Variants in PDSS2 observed in about 807,000 individuals in gnomAD.
PDSS2 encodes the protein decaprenyl diphosphate synthase subunit 2.
A neutral mutation model predicts 44.5 loss-of-function variants in PDSS2; 31 were observed. The ratio of observed to expected loss-of-function variants is 0.70; its 90% CI spans 0.52 to 0.94. The LOEUF (loss-of-function observed/expected upper bound fraction) is 0.94. PDSS2 is among the 40% of genes least tolerant of loss of function. The pLI is 0.00. For missense variants in PDSS2, 452 were observed against 482.2 expected (o/e 0.94, Z 0.59); for synonymous variants, 157 against 180.3 (o/e 0.87, Z 1.03).
chr6:107,440,300 A>G (rs1281237913), intron 1 of PDSS2, among the ~76,000 whole-genome samples: 1 of 152,228 alleles, frequency 6.6e-6, no homozygotes. Flanking sequence ...CCAGTGTGAT[A>G]TTCCACTTAG....
At chr6:107,323,552 C>T (rs1777448754) in intron 2 of PDSS2, among the ~76,000 whole-genome samples, 1 of 152,122 alleles carries the variant, frequency 6.6e-6, no homozygotes, top group Non-Finnish European at 1.5e-5. Flanking sequence ...GAGACAAGAA[C>T]CCAGATCTCT....
At chr6:107,345,766 G>A (rs1243635181) in intron 1 of PDSS2, among the ~76,000 whole-genome samples, 1 of 152,120 alleles carries the variant, frequency 6.6e-6, no homozygotes, top group South Asian at 2.1e-4. Flanking sequence ...CAACATGATG[G>A]TTCAGAAGTT....
At position 107,459,384 on chromosome 6, in the gene PDSS2, C is replaced by A; in HGVS notation, c.-99G>T. 1.0e-6 allele frequency: 1 copy of A among 996,912 alleles called. No individual in the cohort carries two copies. The highest frequency in any genetic ancestry group is 1.4e-5 in the South Asian group (1 of 72,892). 61.8% of individuals were successfully genotyped at this position (996,912 alleles called of 1,614,324 possible). A position where few individuals can be genotyped will look rare whatever the true frequency, so the allele number is the denominator to read the frequency against. ...GGAACTTACAGTAACTAAAAGGAAG[C>A]GGCAATTCTTGACCCTCAGAGTAAG... On this transcript the variant is annotated 5_prime_UTR_variant, in exon 1 of 8. Coordinates refer to ENST00000369037, the MANE Select transcript of PDSS2 (RefSeq NM_020381.4). This position sits in a 1 kb window ranked among gnomAD's most constrained non-coding sequence, Gnocchi z 4.3.
chr6:107,447,567 A>G (rs747322019), intron 1 of PDSS2, among the ~76,000 whole-genome samples: 1 of 152,226 alleles, frequency 6.6e-6, no homozygotes, highest in Non-Finnish European at 1.5e-5. Flanking sequence ...CGCTATTACA[A>G]GAGGTGGGCT....
intron 1 of PDSS2, among the ~76,000 whole-genome samples, chr6:107,451,854 C>T (rs1583104712): frequency 1.3e-5 from 2 of 152,182 alleles, no homozygotes; most frequent in Admixed American, 6.5e-5. Flanking sequence ...CCTTTGACCC[C>T]GCCAGACTTT....
intron 1 of PDSS2, among the ~76,000 whole-genome samples, chr6:107,337,934 AAGAGAGCATTC>A (rs534441936): frequency 5.5e-4 from 84 of 152,354 alleles, no homozygotes; most frequent in Non-Finnish European, 1.1e-3. Context: ...GACAAAAATT[AAGAGAGCATTC>A]AGAAAAGCAC....
rs141946409 is a variant in PDSS2 at position 107,170,465 on chromosome 6, G to A, written c.1042-15688C>T. Among the ~76,000 whole-genome samples, 283 of 152,250 alleles carry A rather than the reference G, an allele frequency of 1.9e-3. 1 individual carries two copies. The highest frequency in any genetic ancestry group is 2.9e-3 in the Non-Finnish European group (200 of 68,022). Reference sequence around the variant, plus strand: ...CGCACCCTGCTTCAGCTCACGCTCGGTGCACTGCACCCACTGTCTGACAAG... The same window carrying A: ...CGCACCCTGCTTCAGCTCACGCTCGATGCACTGCACCCACTGTCTGACAAG... On this transcript the variant is annotated intron_variant, in intron 7 of 7. Transcript: ENST00000369037.
At chr6:107,226,291 G>A (rs1381868322) in intron 4 of PDSS2, among the ~76,000 whole-genome samples, 4 of 152,202 alleles carry the variant, frequency 2.6e-5, no homozygotes, top group East Asian at 3.9e-4. Context: ...CAGCCTGGGC[G>A]ACAAAGCGAG....
At chr6:107,291,556 G>A (rs1582900878) in intron 2 of PDSS2, among the ~76,000 whole-genome samples, 1 of 149,606 alleles carries the variant, frequency 6.7e-6, no homozygotes, top group East Asian at 2.0e-4. Context: ...AGAGACGGGG[G>A]GGTCTCACTA....
intron 3 of PDSS2, among the ~76,000 whole-genome samples, chr6:107,250,560 G>T (rs1405083499): frequency 6.6e-6 from 1 of 152,088 alleles, no homozygotes; most frequent in Admixed American, 6.6e-5. Flanking sequence ...GGGTGTTGGG[G>T]GGGGAAGCAT....
chr6:107,429,898 AAAAATATATATATATATAT>A (rs1399927429), intron 1 of PDSS2, among the ~76,000 whole-genome samples: 6 of 42,942 alleles, frequency 1.4e-4, no homozygotes, highest in African/African-American at 5.6e-4. Context: ...AAAAAAAAAA[AAAAATATATATATATATAT>A]ATATATATAT....
intron 3 of PDSS2, among the ~76,000 whole-genome samples, chr6:107,254,737 T>C (rs1291480401): frequency 6.6e-6 from 1 of 152,244 alleles, no homozygotes; most frequent in Non-Finnish European, 1.5e-5. Context: ...TTGCTTTCAC[T>C]GCTTCTTCAT....
chr6:107,278,095 C>G (rs1335858075), intron 2 of PDSS2, among the ~76,000 whole-genome samples: 1 of 151,512 alleles, frequency 6.6e-6, no homozygotes, highest in Admixed American at 6.6e-5. Context: ...ATTAAAAGAA[C>G]AAATTGGCAT....
At chr6:107,201,554 CG>C (rs984134852) in intron 6 of PDSS2, among the ~76,000 whole-genome samples, 10 of 152,078 alleles carry the variant, frequency 6.6e-5, no homozygotes, top group Admixed American at 2.0e-4. Context: ...AAGAAACAAA[CG>C]TTTTTTTATA....
intron 3 of PDSS2, chr6:107,264,351 C>T (rs1775343655): frequency 1.3e-6 from 2 of 1,531,368 alleles, no homozygotes; most frequent in Non-Finnish European, 1.8e-6. Flanking sequence ...GTAAAGAGTA[C>T]ATCTGTGCCA....
At chr6:107,312,550 C>T (rs1777076817) in intron 2 of PDSS2, among the ~76,000 whole-genome samples, 1 of 152,178 alleles carries the variant, frequency 6.6e-6, no homozygotes, top group Admixed American at 6.5e-5. Flanking sequence ...ATGGTAACAG[C>T]ACTTATCTCT....
chr6:107,265,019 A>T (rs955015302), intron 3 of PDSS2, among the ~76,000 whole-genome samples: 2 of 152,234 alleles, frequency 1.3e-5, no homozygotes, highest in Admixed American at 6.5e-5. Context: ...CCCAAGCATT[A>T]ATTTTTAAAT....
intron 1 of PDSS2, among the ~76,000 whole-genome samples, chr6:107,427,399 T>A (rs1257431419): frequency 1.3e-5 from 2 of 152,194 alleles, no homozygotes; most frequent in East Asian, 3.8e-4. Context: ...TATGTCTTTA[T>A]CAGCAGCATG....
At chr6:107,390,703 T>A (rs1456236889) in intron 1 of PDSS2, among the ~76,000 whole-genome samples, 1 of 152,114 alleles carries the variant, frequency 6.6e-6, no homozygotes, top group Non-Finnish European at 1.5e-5. Flanking sequence ...GTATAGGGTA[T>A]AAAGGAACTC....
Sources: gnomAD v4.1 joint callset for allele counts (sites outside exome capture counted in the v4.1 genomes callset) on GRCh38, gnomAD v4.1.1 for gene constraint, Gnocchi (gnomAD v3.1) non-coding constraint, MANE v1.5 for transcripts, NCBI Gene and HGNC (gene_info 2026-07-23, HGNC 2026-07-21) for gene names.